Variants in SEPTIN9 observed in about 807,000 individuals in gnomAD.
The protein encoded by SEPTIN9 is septin-9.
Under a neutral mutation model 56.6 loss-of-function variants are expected in SEPTIN9, and 13 were observed. That is an observed-to-expected ratio of 0.23 (90% confidence interval 0.15 to 0.37). The LOEUF is 0.37. SEPTIN9 is among the 10% of genes least tolerant of loss of function. The pLI is 1.00. For missense variants in SEPTIN9, 650 were observed against 823.1 expected (o/e 0.79, Z 2.57); for synonymous variants, 332 against 334.1 (o/e 0.99, Z 0.07).
intron 1 of SEPTIN9, among the ~76,000 whole-genome samples, chr17:77,292,973 A>G (rs573427678): frequency 6.6e-6 from 1 of 151,914 alleles, no homozygotes; most frequent in South Asian, 2.1e-4. Context: ...TAACCAGGAA[A>G]TGGAAACCGC....
chr17:77,302,000 C>T lies in SEPTIN9; in HGVS notation c.20-5141C>T, dbSNP rs574232507. 1.1e-3 allele frequency among the ~76,000 whole-genome samples: 161 copies of T among 152,156 alleles called. 1 individual carries two copies. The highest frequency in any genetic ancestry group is 1.5e-3 in the Non-Finnish European group (99 of 68,018). On this transcript the variant is annotated intron_variant, in intron 1 of 11. Transcript: ENST00000427177. ...GGTTTGGAGTGGCTGTCTTACATCA[C>T]AGGTGGGGTCTGTAAGGATCTGAAA...
At chr17:77,485,460 G>T (rs2039737600) in intron 4 of SEPTIN9, among the ~76,000 whole-genome samples, 1 of 151,708 alleles carries the variant, frequency 6.6e-6, no homozygotes, top group South Asian at 2.1e-4. Context: ...GATGATGGCG[G>T]GAGTGATGGG....
At chr17:77,394,838 C>T (rs964707602) in intron 2 of SEPTIN9, among the ~76,000 whole-genome samples, 1 of 152,214 alleles carries the variant, frequency 6.6e-6, no homozygotes, top group Non-Finnish European at 1.5e-5. Flanking sequence ...CAGGTCCAGG[C>T]TGCTCCTGTT....
At chr17:77,477,586 G>A (rs1394515418) in intron 3 of SEPTIN9, among the ~76,000 whole-genome samples, 1 of 152,184 alleles carries the variant, frequency 6.6e-6, no homozygotes, top group Non-Finnish European at 1.5e-5. Flanking sequence ...TGCTACTCAC[G>A]GGCTGCACTA....
At chr17:77,391,598 G>A (rs1005137439) in intron 2 of SEPTIN9, among the ~76,000 whole-genome samples, 1 of 152,144 alleles carries the variant, frequency 6.6e-6, no homozygotes, top group South Asian at 2.1e-4. Context: ...GATCATGTTC[G>A]CAGGTTCCAG....
At chr17:77,454,511 A>G (rs1203033675) in intron 3 of SEPTIN9, 8 of 358,060 alleles carry the variant, frequency 2.2e-5, no homozygotes, top group East Asian at 3.3e-4. Context: ...TTACAGGCCC[A>G]TGAGGGTCCC....
intron 2 of SEPTIN9, among the ~76,000 whole-genome samples, chr17:77,396,648 G>T (rs567880129): frequency 4.3e-4 from 65 of 152,152 alleles, no homozygotes; most frequent in Non-Finnish European, 6.8e-4. Context: ...GGACTCTGAT[G>T]GGGGAGGAGA....
intron 2 of SEPTIN9, among the ~76,000 whole-genome samples, chr17:77,355,484 G>A (rs532163956): frequency 6.6e-6 from 1 of 152,286 alleles, no homozygotes; most frequent in South Asian, 2.1e-4. Context: ...CACTCTCTTT[G>A]TGGCCCACTG....
chr17:77,373,316 C>T, intron 2 of SEPTIN9: 1 of 1,160,558 alleles, frequency 8.6e-7, no homozygotes, highest in South Asian at 4.2e-5. Flanking sequence ...GGGGAGGGGC[C>T]GGCGCCCGCC....
chr17:77,324,757 A>G (rs1302454017), intron 2 of SEPTIN9, among the ~76,000 whole-genome samples: 1 of 151,264 alleles, frequency 6.6e-6, no homozygotes, highest in Non-Finnish European at 1.5e-5. Flanking sequence ...TATCTGACCT[A>G]TGATTTGCTG....
intron 3 of SEPTIN9, chr17:77,454,114 C>A (rs1187854846): frequency 1.0e-6 from 1 of 985,706 alleles, no homozygotes; most frequent in African/African-American, 1.7e-5. Context: ...CCAGGGTAAG[C>A]TGTGGGGGCT....
At chr17:77,431,339 G>GT (rs1449691568) in intron 3 of SEPTIN9, among the ~76,000 whole-genome samples, 2 of 152,052 alleles carry the variant, frequency 1.3e-5, no homozygotes, top group Non-Finnish European at 2.9e-5. Flanking sequence ...AAAAACCAAC[G>GT]TTTATCTTTT....
intron 2 of SEPTIN9, among the ~76,000 whole-genome samples, chr17:77,399,177 G>T (rs1400941756): frequency 3.3e-5 from 5 of 152,204 alleles, no homozygotes; most frequent in Non-Finnish European, 1.5e-5. Context: ...TCAATCGTAA[G>T]CTCACACCAG....
chr17:77,400,187 G>T lies in SEPTIN9; in HGVS notation c.77-1872G>T, dbSNP rs977960290. ...GATGGGGTTTCACCACATCAGCCAG[G>T]CTGCTCAGTGTTTTAAAAAGGGCTT... On this transcript the variant is annotated intron_variant, in intron 2 of 11. Transcript: ENST00000427177. The surrounding 1 kb of genome is among the most constrained non-coding windows in gnomAD (Gnocchi z 4.1). Among the ~76,000 whole-genome samples the T allele has an allele frequency of 3.9e-5, 6 of 152,150 alleles. No homozygotes were observed. Among genetic ancestry groups the T allele is most frequent in the Admixed American group, 3.3e-4 (5 of 15,272 alleles).
intron 2 of SEPTIN9, among the ~76,000 whole-genome samples, chr17:77,382,766 G>C (rs1164228489): frequency 6.6e-6 from 1 of 152,202 alleles, no homozygotes. Context: ...GGGTGGGGGA[G>C]GAGATCCTTC....
intron 2 of SEPTIN9, among the ~76,000 whole-genome samples, chr17:77,372,254 G>T (rs918042498): frequency 6.6e-6 from 1 of 152,194 alleles, no homozygotes; most frequent in Admixed American, 6.5e-5. Context: ...TTTCCAGGGC[G>T]AGTGGAAGAA....
chr17:77,298,104 C>T (rs2031895081), intron 1 of SEPTIN9, among the ~76,000 whole-genome samples: 1 of 152,222 alleles, frequency 6.6e-6, no homozygotes, highest in Non-Finnish European at 1.5e-5. Context: ...GTCATTTCCT[C>T]CTTAAAGGAG....
intron 2 of SEPTIN9, among the ~76,000 whole-genome samples, chr17:77,361,744 C>T (rs1207253672): frequency 3.3e-5 from 5 of 152,022 alleles, no homozygotes; most frequent in Admixed American, 6.6e-5. Flanking sequence ...GCCATTCTCC[C>T]GCCTCAGCCT....
chr17:77,303,827 T>C (rs2032159569), intron 1 of SEPTIN9, among the ~76,000 whole-genome samples: 1 of 152,094 alleles, frequency 6.6e-6, no homozygotes, highest in Non-Finnish European at 1.5e-5. Context: ...CCAAGGAAGC[T>C]GAGACTCAGG....
Sources: gnomAD v4.1 joint callset for allele counts (sites outside exome capture counted in the v4.1 genomes callset) on GRCh38, gnomAD v4.1.1 for gene constraint, Gnocchi (gnomAD v3.1) non-coding constraint, MANE v1.5 for transcripts, NCBI Gene and HGNC (gene_info 2026-07-23, HGNC 2026-07-21) for gene names.